The following ADAM9 variants were observed in gnomAD, a reference collection of about 807,000 sequenced individuals.
ADAM9 encodes ADAM metallopeptidase domain 9.
Under a neutral mutation model 108.1 loss-of-function variants are expected in ADAM9, and 54 were observed. The ratio of observed to expected loss-of-function variants is 0.50; its 90% CI spans 0.40 to 0.63. ADAM9 has a LOEUF of 0.63. ADAM9 is among the 20% of genes least tolerant of loss of function. ADAM9 has a pLI of 0.00. For synonymous variants in ADAM9, 316 were observed against 336.0 expected, an observed-to-expected ratio of 0.94 and a Z score of 0.65; for missense variants, 830 against 997.7, an observed-to-expected ratio of 0.83 and a Z score of 2.26.
rs1281247605 is a variant in ADAM9 at position 39,105,138 on chromosome 8, A to G, written c.*1438A>G. Reference sequence around the variant, plus strand: ...TTTTCAGACTTTTGCCAAAGTGTGCACAATGGCTTTTTGTTAATAAAGAAC... The same window carrying G: ...TTTTCAGACTTTTGCCAAAGTGTGCGCAATGGCTTTTTGTTAATAAAGAAC... On this transcript the variant is annotated 3_prime_UTR_variant, in exon 22 of 22. Transcript: ENST00000487273. The G allele has an allele frequency of 2.6e-5, 11 of 422,580 alleles. 1 individual carries two copies. The Admixed American group carries it at 3.2e-4, about 12-fold the overall frequency. 26.2% of individuals were successfully genotyped at this position (422,580 alleles called of 1,614,324 possible).
chr8:39,047,770 T>C (rs1385421714), intron 12 of ADAM9, among the ~76,000 whole-genome samples: 1 of 152,154 alleles, frequency 6.6e-6, no homozygotes, highest in Non-Finnish European at 1.5e-5. Flanking sequence ...TTTTCTAGTC[T>C]CAATTTTGTT....
rs528596282 is a variant in ADAM9, at chr8:39,066,703, C to T, written c.1592-4595C>T. Among the ~76,000 whole-genome samples, 664 of 152,216 alleles carry T rather than the reference C, an allele frequency of 4.4e-3. 7 individuals carry two copies. Among genetic ancestry groups the T allele is most frequent in the African/African-American group, 0.015 (630 of 41,520 alleles). On this transcript the variant is annotated intron_variant, in intron 14 of 21. Transcript: ENST00000487273. ...AAATTTTCTCTCATTTTGTAGGTTG[C>T]CTGTTCACTCTGATGGTAGTTTCTT...
At position 39,104,423 on chromosome 8, in the gene ADAM9, G is replaced by A. The variant is rs780007443; in HGVS notation, c.*723G>A. On this transcript the variant is annotated 3_prime_UTR_variant, in exon 22 of 22. Coordinates refer to ENST00000487273, the MANE Select transcript of ADAM9 (RefSeq NM_003816.3). ...TATTAGAATTTCTATTATGAATCAT[G>A]TGAAAGCATGACATTCGTTCACAAT... The A allele has an allele frequency of 2.3e-6, 1 of 429,110 alleles. No individual in the cohort carries two copies. 26.6% of individuals were successfully genotyped at this position (429,110 alleles called of 1,614,324 possible). A position where few individuals can be genotyped will look rare whatever the true frequency, so the allele number is the denominator to read the frequency against.
chr8:39,017,466 C>A, intron 6 of ADAM9, 52 bp downstream of exon 6: 1 of 1,559,414 alleles, frequency 6.4e-7, no homozygotes, highest in South Asian at 1.1e-5. Context: ...TTAGAAAAAT[C>A]ATGTATTTAT....
chr8:39,022,495 T>C (rs1314401493), intron 8 of ADAM9, among the ~76,000 whole-genome samples: 1 of 152,178 alleles, frequency 6.6e-6, no homozygotes, highest in African/African-American at 2.4e-5. Context: ...CTCATTGATA[T>C]TTCTGCAGTG....
In ADAM9 at chr8:38,997,312, G is replaced by C; in HGVS notation, c.97+152G>C. The C allele has an allele frequency of 5.6e-6, 5 of 887,128 alleles. No individual in the cohort carries two copies. The South Asian group carries it at 6.8e-5, about 12-fold the overall frequency. The allele number at this position is 887,128 out of a possible 1,614,324, so 55.0% of individuals were successfully genotyped here. On this transcript the variant is annotated intron_variant, in intron 1 of 21. Transcript: ENST00000487273. ...GGCCGCTCCAGGTGTGTGCGGACCG[G>C]GGTCGCACCCGAGGCGCGGGGTTTG...
chr8:39,069,292 A>G (rs1409363653), intron 14 of ADAM9, among the ~76,000 whole-genome samples: 1 of 152,080 alleles, frequency 6.6e-6, no homozygotes, highest in East Asian at 1.9e-4. Context: ...AGGGAGGGAA[A>G]ATACGTGCAT....
chr8:39,017,029 A>G lies in ADAM9; in HGVS notation c.411-190A>G, dbSNP rs565319117. ...TGACTTACAGGCAGTGACGCTGCTA[A>G]GTAGCTATTTGAGCTTTCAATTTAG... On this transcript the variant is annotated intron_variant, in intron 5 of 21. Transcript: ENST00000487273. The G allele has an allele frequency of 1.0e-4, 62 of 613,296 alleles. No homozygotes were observed. In the East Asian group the frequency reaches 1.8e-3, roughly 17 times the overall value. 38.0% of individuals were successfully genotyped at this position (613,296 alleles called of 1,614,324 possible).
chr8:39,097,548 C>T (rs35391544), intron 20 of ADAM9, among the ~76,000 whole-genome samples: 35,817 of 151,916 alleles, frequency 0.24, 4,533 homozygotes, highest in South Asian at 0.31. Flanking sequence ...CCTCGTGATC[C>T]GCCCGCCCTG....
At chr8:39,073,894 C>T (rs990485107) in intron 15 of ADAM9, among the ~76,000 whole-genome samples, 1 of 152,140 alleles carries the variant, frequency 6.6e-6, no homozygotes, top group Non-Finnish European at 1.5e-5. Context: ...AAGTTAGACT[C>T]TTTGGATTTG....
intron 2 of ADAM9, among the ~76,000 whole-genome samples, chr8:39,009,964 A>AACCAACCCC (rs1554572507): frequency 9.4e-6 from 1 of 106,526 alleles, no homozygotes; most frequent in Non-Finnish European, 1.8e-5. Context: ...ACAAAAACAA[A>AACCAACCCC]CCCCCCCCCC....
chr8:39,045,138 A>G (rs1339217470), intron 12 of ADAM9, among the ~76,000 whole-genome samples: 2 of 105,942 alleles, frequency 1.9e-5, no homozygotes, highest in East Asian at 2.8e-4. Flanking sequence ...ATACATACAT[A>G]TATGTGTATA....
chr8:39,081,656 A>T (rs1839028157), intron 16 of ADAM9, among the ~76,000 whole-genome samples: 1 of 152,204 alleles, frequency 6.6e-6, no homozygotes, highest in Non-Finnish European at 1.5e-5. Context: ...TGGAGGAAAC[A>T]GTGTTTGGAG....
chr8:39,017,730 G>A (rs766690198), intron 6 of ADAM9, among the ~76,000 whole-genome samples: 1 of 152,110 alleles, frequency 6.6e-6, no homozygotes, highest in Non-Finnish European at 1.5e-5. Context: ...ACTGCTACAG[G>A]TCTGTGCCAC....
chr8:39,058,817 T>C (rs1564326805), intron 14 of ADAM9, among the ~76,000 whole-genome samples: 1 of 152,148 alleles, frequency 6.6e-6, no homozygotes, highest in Non-Finnish European at 1.5e-5. Flanking sequence ...TGCTAGTGGG[T>C]CACTATGGAT....
Position 39,041,957 on chromosome 8 carries a change from A to G in ADAM9, c.1142A>G (p.Asn381Ser), listed in dbSNP as rs955532636. Residue 381 changes from asparagine (N) to serine (S), a missense_variant, in exon 12 of 22, where the codon AAC (asparagine) becomes AGC (serine). Physicochemically the swap from Asn to Ser is conservative, Grantham distance 46. This residue lies in a region of ADAM9 where 381 missense variants were observed against 539.8 expected (regional missense o/e 0.71). Transcript: ENST00000487273. Reference sequence around the variant, plus strand: ...AATGTTTATTATAGGGGTTCCAGAAACTTTAGCAGTTGCAGTGCAGAGGAC... The same window carrying G: ...AATGTTTATTATAGGGGTTCCAGAAGCTTTAGCAGTTGCAGTGCAGAGGAC... ...IMNSGASGSR[N>S]FSSCSAEDFE... The G allele has an allele frequency of 6.2e-7, 1 of 1,613,994 alleles. No homozygotes were observed. The highest frequency in any genetic ancestry group is 2.2e-5 in the East Asian group (1 of 44,874).
intron 18 of ADAM9, among the ~76,000 whole-genome samples, chr8:39,088,988 G>C (rs1013794872): frequency 2.0e-5 from 3 of 152,116 alleles, no homozygotes; most frequent in Non-Finnish European, 4.4e-5. Flanking sequence ...GGTGGCTCAC[G>C]CCTGTAATCC....
intron 17 of ADAM9, 107 bp from the exon 18 acceptor site, chr8:39,082,861 C>G (rs896350672): frequency 7.6e-7 from 1 of 1,322,958 alleles, no homozygotes; most frequent in South Asian, 1.2e-5. Context: ...TAAACAGTGT[C>G]AGTAAGCTTG....
At chr8:39,045,544 ATGTGTGTGTGTATATG>A (rs1268347539) in intron 12 of ADAM9, among the ~76,000 whole-genome samples, 15 of 119,264 alleles carry the variant, frequency 1.3e-4, no homozygotes, top group African/African-American at 4.9e-4. Context: ...GTGTGTATAT[ATGTGTGTGTGTATATG>A]TGTGTGTGTG....
Sources: gnomAD v4.1 joint callset for allele counts (sites outside exome capture counted in the v4.1 genomes callset) on GRCh38, gnomAD v4.1.1 for gene constraint, gnomAD v4.1.1 regional missense constraint, MANE v1.5 for transcripts, NCBI Gene and HGNC (gene_info 2026-07-23, HGNC 2026-07-21) for gene names.